COL4A2: variants seen among roughly 807,000 people sequenced by gnomAD.
The protein encoded by COL4A2 is collagen alpha-2(IV) chain.
A neutral mutation model predicts 200.2 loss-of-function variants in COL4A2; 99 were observed. The observed-to-expected ratio is 0.49, with a 90% CI of 0.42 to 0.58. The LOEUF (loss-of-function observed/expected upper bound fraction) is 0.58, where lower values mean the gene tolerates loss of function less well. COL4A2 is among the 20% of genes least tolerant of loss of function. The pLI is 0.00. For synonymous variants in COL4A2, 897 were observed against 900.6 expected (o/e 1.00, Z 0.07); for missense variants, 1,950 against 2,314.1 (o/e 0.84, Z 3.23).
chr13:110,415,433 T>C (rs1407363593), intron 4 of COL4A2, among the ~76,000 whole-genome samples: 1 of 152,104 alleles, frequency 6.6e-6, no homozygotes, highest in South Asian at 2.1e-4. Flanking sequence ...TTAAAGCATG[T>C]CCTATTCAGG....
chr13:110,416,531 C>G (rs1031737138), intron 4 of COL4A2, among the ~76,000 whole-genome samples: 9 of 152,212 alleles, frequency 5.9e-5, no homozygotes, highest in Non-Finnish European at 1.0e-4. Context: ...AAAATCATAT[C>G]CAGAATATAA....
intron 3 of COL4A2, among the ~76,000 whole-genome samples, chr13:110,332,682 T>C (rs1302938659): frequency 6.6e-6 from 1 of 152,234 alleles, no homozygotes. Flanking sequence ...TGTTAACTTT[T>C]AATAGAGGAA....
chr13:110,338,384 A>G (rs1044737253), intron 3 of COL4A2, among the ~76,000 whole-genome samples: 1 of 145,276 alleles, frequency 6.9e-6, no homozygotes, highest in African/African-American at 2.6e-5. Flanking sequence ...TTACTGAGCC[A>G]TGTGGCCAAC....
rs1357570885 is a variant in COL4A2 at position 110,480,403 on chromosome 13, CTG to C, written c.2758+16_2758+17del. Reference sequence around the variant, plus strand: ...CCCGGGCTAAAAGGTAATTGTGTGACTGTGACCAGGGATCCCTTGGCGGGGAG... The same window carrying C: ...CCCGGGCTAAAAGGTAATTGTGTGACTGACCAGGGATCCCTTGGCGGGGAG... On this transcript the variant is annotated intron_variant, in intron 31 of 47. Transcript: ENST00000360467. The C allele has an allele frequency of 1.9e-6, 3 of 1,604,096 alleles. No homozygotes were observed. Among genetic ancestry groups the C allele is most frequent in the East Asian group, 2.2e-5 (1 of 44,700 alleles).
chr13:110,353,607 G>C (rs947207152), intron 3 of COL4A2, among the ~76,000 whole-genome samples: 4 of 152,222 alleles, frequency 2.6e-5, no homozygotes, highest in African/African-American at 9.6e-5. Flanking sequence ...GAGACTTGTT[G>C]AGTTTTTAAG....
chr13:110,308,384 G>C (rs957015557), intron 3 of COL4A2, among the ~76,000 whole-genome samples: 5 of 152,282 alleles, frequency 3.3e-5, no homozygotes, highest in African/African-American at 9.6e-5. Context: ...TTAAAATGTA[G>C]CCTGAGGCAC....
At chr13:110,357,343 A>C in intron 3 of COL4A2, 129 bp from the exon 4 acceptor site, 3 of 1,364,920 alleles carry the variant, frequency 2.2e-6, no homozygotes, top group Non-Finnish European at 3.0e-6. Flanking sequence ...TTTTTAAAAA[A>C]GCCTTATTGA....
intron 4 of COL4A2, among the ~76,000 whole-genome samples, chr13:110,390,059 T>C (rs1397086780): frequency 2.6e-5 from 4 of 152,222 alleles, no homozygotes; most frequent in African/African-American, 9.6e-5. Flanking sequence ...ATGAAGACTC[T>C]CAGTGTTAAC....
rs139363748 is a variant in COL4A2, at chr13:110,498,381, A to G, written c.3760+2914A>G. Among the ~76,000 whole-genome samples the G allele has an allele frequency of 3.9e-3, 589 of 152,320 alleles. 1 individual carries two copies. The highest frequency in any genetic ancestry group is 5.9e-3 in the Non-Finnish European group (401 of 68,036). ...GCATCTGGGAATGCAGCAACGGGGA[A>G]GACTTGGCCAGGAGATGTGGAGAGG... On this transcript the variant is annotated intron_variant, in intron 40 of 47. Coordinates refer to ENST00000360467, the MANE Select transcript of COL4A2 (RefSeq NM_001846.4).
intron 15 of COL4A2, among the ~76,000 whole-genome samples, chr13:110,439,269 C>G (rs1881033682): frequency 6.6e-6 from 1 of 152,186 alleles, no homozygotes; most frequent in Non-Finnish European, 1.5e-5. Flanking sequence ...CTGGCAGTTG[C>G]TACCACTCAA....
chr13:110,352,670 T>A (rs1356198862), intron 3 of COL4A2, among the ~76,000 whole-genome samples: 2 of 152,156 alleles, frequency 1.3e-5, no homozygotes, highest in African/African-American at 4.8e-5. Context: ...TGAAGGAAGG[T>A]GCCGGATACG....
intron 22 of COL4A2, chr13:110,459,752 C>A (rs1165255113): frequency 2.0e-5 from 3 of 152,118 alleles, no homozygotes; most frequent in Admixed American, 2.0e-4. Context: ...CTCAAAAAAA[C>A]CTATCATTTT....
chr13:110,338,281 C>T (rs988203314), intron 3 of COL4A2, among the ~76,000 whole-genome samples: 1 of 152,066 alleles, frequency 6.6e-6, no homozygotes, highest in African/African-American at 2.4e-5. Context: ...CAATGGTGAG[C>T]TTCTACCATT....
intron 3 of COL4A2, among the ~76,000 whole-genome samples, chr13:110,342,062 C>T (rs554107781): frequency 5.2e-4 from 79 of 152,182 alleles, no homozygotes; most frequent in African/African-American, 1.9e-3. Context: ...GGCCTGGATC[C>T]CAAGTGACCC....
At chr13:110,439,207 G>C (rs114386406) in intron 15 of COL4A2, among the ~76,000 whole-genome samples, 1 of 152,168 alleles carries the variant, frequency 6.6e-6, no homozygotes, top group East Asian at 1.9e-4. Context: ...GGGCTGGGAC[G>C]GGTGGTCAGA....
At chr13:110,434,306 A>C in intron 11 of COL4A2, 95 bp from the exon 12 acceptor site, 4 of 1,137,374 alleles carry the variant, frequency 3.5e-6, no homozygotes, top group Non-Finnish European at 5.1e-6. Flanking sequence ...AGTTGCCGAT[A>C]AATAGGCCTT....
intron 3 of COL4A2, among the ~76,000 whole-genome samples, chr13:110,337,363 G>T (rs965389617): frequency 6.6e-6 from 1 of 152,250 alleles, no homozygotes; most frequent in African/African-American, 2.4e-5. Context: ...ATAAGTGCCA[G>T]TGAGGGCTCA....
At chr13:110,408,162 G>T (rs11619430) in intron 4 of COL4A2, among the ~76,000 whole-genome samples, 15 of 151,838 alleles carry the variant, frequency 9.9e-5, no homozygotes, top group Admixed American at 5.2e-4. Context: ...GAGGGGAAAC[G>T]CAGGCGGGTC....
intron 4 of COL4A2, among the ~76,000 whole-genome samples, chr13:110,389,926 C>A (rs902085897): frequency 1.3e-5 from 2 of 151,952 alleles, no homozygotes; most frequent in African/African-American, 2.4e-5. Context: ...ACTTTTACTC[C>A]CTTCTCAAAA....
Sources: allele counts gnomAD v4.1 joint callset (sites outside exome capture counted in the v4.1 genomes callset), GRCh38; gene constraint gnomAD v4.1.1; transcripts MANE v1.5; gene names NCBI Gene and HGNC (gene_info 2026-07-23, HGNC 2026-07-21).